SORL1: variants seen among roughly 807,000 people sequenced by gnomAD.
SORL1 encodes sortilin-related receptor.
SORL1 carries 127 observed loss-of-function variants against 273.7 expected under a neutral mutation model. The observed-to-expected ratio is 0.46, with a 90% CI of 0.40 to 0.54. The LOEUF is 0.54. SORL1 is among the 20% of genes least tolerant of loss of function. The pLI, the probability that SORL1 is intolerant of heterozygous loss-of-function variation, is 0.00. For missense variants in SORL1, 2,494 were observed against 2,846.1 expected (o/e 0.88, Z 2.81); for synonymous variants, 1,031 against 1,067.4 (o/e 0.97, Z 0.66).
In SORL1 at chr11:121,452,518, C is replaced by T. The variant is rs1591539651; in HGVS notation, c.187C>T (p.Arg63Cys). The T allele has an allele frequency of 6.8e-7, 1 of 1,478,024 alleles. No individual in the cohort carries two copies. The highest frequency in any genetic ancestry group is 8.9e-7 in the Non-Finnish European group (1 of 1,119,300). The allele number at this position is 1,478,024 out of a possible 1,614,324, so 91.6% of individuals were successfully genotyped here. ...GDPRELRLWA[R>C]GDARGASRAD... is the part of the protein sequence containing the mutation. ...CCCGCGCGAGCTGCGGCTGTGGGCG[C>T]GCGGGGATGCCAGGGGGGCGAGCCG... The change falls in exon 1 of 48, where the codon CGC (arginine) becomes TGC (cysteine). Residue 63 changes from arginine to cysteine, a missense_variant. Arg to Cys is a radical substitution (Grantham distance 180). Transcript: ENST00000260197. The surrounding 1 kb of genome is among the most constrained non-coding windows in gnomAD (Gnocchi z 5.3).
rs765564874 is a variant in SORL1, at chr11:121,488,020, T to G, written c.529-12T>G. ...CAGGGCCTGCTCTCAACTTACCTGT[T>G]TTCCCTTGCAGTACATCTTTGCAGA... On this transcript the variant is annotated splice_polypyrimidine_tract_variant and intron_variant, in intron 3 of 47. Transcript: ENST00000260197. 1.2e-6 allele frequency: 2 copies of G among 1,613,924 alleles called. No individual in the cohort carries two copies. The highest frequency in any genetic ancestry group is 1.7e-6 in the Non-Finnish European group (2 of 1,179,838).
intron 41 of SORL1, among the ~76,000 whole-genome samples, chr11:121,617,688 T>C (rs1244495836): frequency 6.6e-6 from 1 of 152,238 alleles, no homozygotes; most frequent in East Asian, 1.9e-4. Flanking sequence ...GCTCTTTGAT[T>C]GTGCCTTACA....
chr11:121,474,825 C>T (rs929597670), intron 2 of SORL1, among the ~76,000 whole-genome samples: 1 of 152,248 alleles, frequency 6.6e-6, no homozygotes, highest in African/African-American at 2.4e-5. Flanking sequence ...GTGGAGCCAC[C>T]AATCCGCTTG....
Position 121,558,850 on chromosome 11 carries a change from G to A in SORL1, c.2910+13G>A, listed in dbSNP as rs754194175. On this transcript the variant is annotated intron_variant, in intron 20 of 47. Transcript: ENST00000260197. ...TGCTGTCTTTAAGGTGAGTCCATTT[G>A]TTGCTGCCGGACAGTCTGCTAGAGC... 5.3e-5 allele frequency: 85 copies of A among 1,613,954 alleles called. No homozygotes were observed. Among genetic ancestry groups the A allele is most frequent in the Non-Finnish European group, 7.2e-5 (85 of 1,179,876 alleles).
chr11:121,522,910 T>C lies in SORL1; in HGVS notation c.1523-6T>C, dbSNP rs1372151880. ...ATTAAAAATAATTATTTCTCTTGCA[T>C]TTTAGGCTCAGTGGGAAAGAACTTG... On this transcript the variant is annotated splice_polypyrimidine_tract_variant and splice_region_variant and intron_variant, in intron 10 of 47. Transcript: ENST00000260197. 1 of 1,609,634 alleles carries C rather than the reference T, an allele frequency of 6.2e-7. No homozygotes were observed.
intron 16 of SORL1, among the ~76,000 whole-genome samples, chr11:121,551,203 C>T (rs182209209): frequency 7.2e-4 from 109 of 152,258 alleles, no homozygotes; most frequent in Admixed American, 1.4e-3. Flanking sequence ...CACGAGGAAG[C>T]ATGTTCAGAG....
chr11:121,522,856 G>T (rs1862061889), intron 10 of SORL1, 60 bp from the exon 11 acceptor site: 4 of 1,492,634 alleles, frequency 2.7e-6, no homozygotes, highest in South Asian at 1.1e-5. Context: ...TTCTGGCTGG[G>T]CAAGGTGATT....
chr11:121,529,803 T>C (rs1350874104), intron 11 of SORL1, among the ~76,000 whole-genome samples: 1 of 152,236 alleles, frequency 6.6e-6, no homozygotes, highest in African/African-American at 2.4e-5. Context: ...CATTAACATT[T>C]AATATAATTA....
At chr11:121,551,140 C>T (rs1287098684) in intron 16 of SORL1, among the ~76,000 whole-genome samples, 3 of 152,134 alleles carry the variant, frequency 2.0e-5, no homozygotes, top group East Asian at 3.8e-4. Flanking sequence ...GCCAGTTTAA[C>T]CCTTTTAACA....
At chr11:121,510,247 A>G (rs916851216) in intron 6 of SORL1, among the ~76,000 whole-genome samples, 1 of 152,246 alleles carries the variant, frequency 6.6e-6, no homozygotes, top group Non-Finnish European at 1.5e-5. Context: ...ATATGTGAAA[A>G]ATTAAATTGC....
intron 6 of SORL1, among the ~76,000 whole-genome samples, chr11:121,512,186 A>G (rs561280106): frequency 1.6e-4 from 24 of 152,364 alleles, no homozygotes; most frequent in African/African-American, 5.8e-4. Context: ...AAAAATTTGC[A>G]TATATGTTTA....
rs760558412 is a variant in SORL1 at position 121,469,992 on chromosome 11, A to G, written c.286-15A>G. On this transcript the variant is annotated splice_polypyrimidine_tract_variant and intron_variant, in intron 1 of 47. Transcript: ENST00000260197. ...ACTTATCGTGGGTCCTAATTCCTAC[A>G]TTGATCTCTTTCAGGTTAGTCTGAA... is the stretch of plus-strand genomic sequence containing the variant. The G allele has an allele frequency of 6.4e-7, 1 of 1,570,184 alleles. No homozygotes were observed. The highest frequency in any genetic ancestry group is 1.3e-5 in the African/African-American group (1 of 74,218).
intron 28 of SORL1, among the ~76,000 whole-genome samples, chr11:121,588,416 C>T (rs80261157): frequency 0.011 from 1,665 of 152,196 alleles, 41 homozygotes; most frequent in African/African-American, 0.038. Context: ...GGCAGGATGG[C>T]GAGTGACCAG....
chr11:121,623,927 C>T (rs1196700611), intron 45 of SORL1, among the ~76,000 whole-genome samples: 2 of 152,220 alleles, frequency 1.3e-5, no homozygotes, highest in African/African-American at 2.4e-5. Flanking sequence ...AATTGACTCA[C>T]AGTTCCACAT....
At chr11:121,501,190 C>T (rs899601324) in intron 6 of SORL1, among the ~76,000 whole-genome samples, 3 of 152,154 alleles carry the variant, frequency 2.0e-5, no homozygotes, top group African/African-American at 7.2e-5. Flanking sequence ...TATAACAATA[C>T]ATTTAAAATT....
chr11:121,491,260 G>C (rs981266423), intron 5 of SORL1, among the ~76,000 whole-genome samples: 1 of 152,318 alleles, frequency 6.6e-6, no homozygotes. Flanking sequence ...AGGTACCCCT[G>C]TAGTTTTGTG....
intron 11 of SORL1, among the ~76,000 whole-genome samples, chr11:121,526,516 T>C (rs1862126283): frequency 1.3e-5 from 2 of 152,202 alleles, no homozygotes; most frequent in African/African-American, 2.4e-5. Flanking sequence ...ATTTTTATTA[T>C]AATTGCCTTG....
intron 3 of SORL1, 49 bp from the exon 4 acceptor site, chr11:121,487,983 G>T: frequency 6.2e-7 from 1 of 1,600,200 alleles, no homozygotes; most frequent in South Asian, 1.1e-5. Flanking sequence ...GGGAGTGTTG[G>T]GCAGCTCTGG....
chr11:121,498,304 C>CAT (rs1301237012), intron 6 of SORL1, among the ~76,000 whole-genome samples: 1 of 152,174 alleles, frequency 6.6e-6, no homozygotes, highest in Non-Finnish European at 1.5e-5. Flanking sequence ...GATAAGAAAT[C>CAT]AGGCCCAAGC....
Sources: allele counts gnomAD v4.1 joint callset (sites outside exome capture counted in the v4.1 genomes callset), GRCh38; gene constraint gnomAD v4.1.1; non-coding constraint Gnocchi (gnomAD v3.1); transcripts MANE v1.5; gene names NCBI Gene and HGNC (gene_info 2026-07-23, HGNC 2026-07-21).